Variants in CTBP2 observed in about 807,000 individuals in gnomAD.
The protein encoded by CTBP2 is C-terminal binding protein 2, also known as C-terminal-binding protein 2.
In CTBP2, 30 loss-of-function variants were observed where a neutral mutation model predicts 80.3. That is an observed-to-expected ratio of 0.37 (90% CI 0.28 to 0.51). The LOEUF is 0.51. CTBP2 is among the 20% of genes least tolerant of loss of function. The probability of loss-of-function intolerance (pLI) is 0.93; values close to 1 mark genes in which losing one functional copy is unlikely to be tolerated. For synonymous variants in CTBP2, 594 were observed against 587.4 expected (o/e 1.01, Z -0.16); for missense variants, 1,212 against 1,375.3 (o/e 0.88, Z 1.88).
chr10:125,150,900 TCA>T (rs1859723169), intron 1 of CTBP2, among the ~76,000 whole-genome samples: 1 of 148,556 alleles, frequency 6.7e-6, no homozygotes, highest in East Asian at 2.1e-4. Flanking sequence ...AGACTCTGGA[TCA>T]CAGACTCACT....
intron 1 of CTBP2, among the ~76,000 whole-genome samples, chr10:125,134,585 C>A (rs142995086): frequency 2.2e-4 from 33 of 152,288 alleles, no homozygotes; most frequent in Middle Eastern, 3.4e-3. Context: ...CAGGACCAAT[C>A]GAAGCCCACA....
chr10:125,094,118 T>G (rs573959632), intron 2 of CTBP2, among the ~76,000 whole-genome samples: 172 of 152,238 alleles, frequency 1.1e-3, no homozygotes, highest in African/African-American at 4.0e-3. Flanking sequence ...CTAAATGGTT[T>G]CAATTAAAAG....
chr10:125,017,490 G>A lies in CTBP2; in HGVS notation c.1678+8592C>T, dbSNP rs565440319. ...AGGATTGCACGGGATGCTGTGTTCCGGCCCTACCACCCTCCCTCACCTTTT... is the reference window on the plus strand; with the variant it reads ...AGGATTGCACGGGATGCTGTGTTCCAGCCCTACCACCCTCCCTCACCTTTT... On this transcript the variant is annotated intron_variant, in intron 1 of 8. Transcript: ENST00000309035. 9.2e-5 allele frequency among the ~76,000 whole-genome samples: 14 copies of A among 152,216 alleles called. No individual in the cohort carries two copies. The South Asian group carries it at 1.0e-3, about 11-fold the overall frequency.
intron 1 of CTBP2, among the ~76,000 whole-genome samples, chr10:125,158,234 C>A (rs1439101501): frequency 6.6e-6 from 1 of 151,998 alleles, no homozygotes; most frequent in Non-Finnish European, 1.5e-5. Context: ...ACTTGGAAAA[C>A]CCTCGAGGCA....
intron 1 of CTBP2, among the ~76,000 whole-genome samples, chr10:125,015,886 C>T (rs1956428146): frequency 6.6e-6 from 1 of 152,240 alleles, no homozygotes; most frequent in Non-Finnish European, 1.5e-5. Context: ...GCTGGGCTGG[C>T]AGCGTGTCCA....
At chr10:125,118,560 T>C (rs1288713476) in intron 1 of CTBP2, among the ~76,000 whole-genome samples, 1 of 152,102 alleles carries the variant, frequency 6.6e-6, no homozygotes, top group African/African-American at 2.4e-5. Flanking sequence ...CCGTGGGCCA[T>C]GGAAGCAGAG....
chr10:125,067,281 C>T (rs1035260526), intron 2 of CTBP2, among the ~76,000 whole-genome samples: 6 of 152,074 alleles, frequency 3.9e-5, no homozygotes, highest in African/African-American at 1.4e-4. Flanking sequence ...AAACTGCCAC[C>T]GCCATGTGGG....
chr10:125,037,878 T>G (rs1384857356), intron 3 of CTBP2, among the ~76,000 whole-genome samples: 1 of 152,194 alleles, frequency 6.6e-6, no homozygotes, highest in Admixed American at 6.5e-5. Context: ...CAGTGTCTAT[T>G]TATATGTATA....
intron 1 of CTBP2, among the ~76,000 whole-genome samples, chr10:125,136,874 G>A (rs1857053153): frequency 6.6e-6 from 1 of 152,204 alleles, no homozygotes; most frequent in Non-Finnish European, 1.5e-5. Context: ...GTAACAGGAT[G>A]TTTCCCTGAT....
In CTBP2 at chr10:124,993,919, G is replaced by C. The variant is rs1163608192; in HGVS notation, c.2467C>G (p.Gln823Glu). ...CGTATCCTGCCCTCCTTGAGGGCTT[G>C]TGCTAAGGCTTTCTCGTCCACCAGG... Residue 823 changes from glutamine to glutamate, a missense_variant, in exon 6 of 9, where the codon CAA (glutamine) becomes GAA (glutamate). By Grantham distance (29) the Gln-to-Glu change is conservative. Around this residue, in one of 3 missense-constraint regions of CTBP2, gnomAD observed 335 missense variants for 504.7 expected, o/e 0.66. Transcript: ENST00000309035. 1 of 1,614,182 alleles carries C rather than the reference G, an allele frequency of 6.2e-7. No homozygotes were observed. The highest frequency in any genetic ancestry group is 1.7e-5 in the Admixed American group (1 of 60,030).
upstream of CTBP2, among the ~76,000 whole-genome samples, chr10:125,161,663 C>T (rs1861904476): frequency 6.6e-6 from 1 of 151,708 alleles, no homozygotes. Flanking sequence ...CTCTGTGCTG[C>T]AAGTTGCAGC....
chr10:125,019,435 T>C (rs1196343168), intron 1 of CTBP2, among the ~76,000 whole-genome samples: 1 of 149,674 alleles, frequency 6.7e-6, no homozygotes, highest in African/African-American at 2.4e-5. Flanking sequence ...GCCAAACACC[T>C]GAAAAGCTTT....
intron 1 of CTBP2, among the ~76,000 whole-genome samples, chr10:125,024,404 C>A (rs1326686419): frequency 2.6e-5 from 4 of 152,238 alleles, no homozygotes; most frequent in Non-Finnish European, 5.9e-5. Flanking sequence ...AAATCAATAT[C>A]CTCCGGTCTG....
intron 1 of CTBP2, among the ~76,000 whole-genome samples, chr10:125,011,100 C>T (rs1188364281): frequency 1.3e-5 from 2 of 152,208 alleles, no homozygotes; most frequent in Admixed American, 1.3e-4. Flanking sequence ...TCTAGCTTCA[C>T]CAAGGCCTCT....
intron 1 of CTBP2, among the ~76,000 whole-genome samples, chr10:125,158,227 T>A (rs1156936523): frequency 6.6e-6 from 1 of 152,110 alleles, no homozygotes; most frequent in African/African-American, 2.4e-5. Flanking sequence ...CACTTCTACT[T>A]GGAAAACCCT....
intron 2 of CTBP2, among the ~76,000 whole-genome samples, chr10:125,041,375 G>A (rs1429170081): frequency 2.6e-5 from 4 of 152,058 alleles, no homozygotes; most frequent in Non-Finnish European, 5.9e-5. Context: ...GAGCCACTGC[G>A]CCTAGCCAGT....
At position 124,994,720 on chromosome 10, in the gene CTBP2, C is replaced by T. The variant is rs775206602; in HGVS notation, c.2186-37G>A. 2.5e-6 allele frequency: 4 copies of T among 1,602,838 alleles called. No homozygotes were observed. The East Asian group carries it at 8.9e-5, about 36-fold the overall frequency. ...CAGAGCGTCCAGGTGAGTGAGTCCA[C>T]AGCCCGCGCCCCAGCGCTGCCACCT... On this transcript the variant is annotated intron_variant, in intron 4 of 8. Coordinates refer to ENST00000309035, the MANE Select transcript of CTBP2 (RefSeq NM_022802.3).
chr10:125,123,516 A>G (rs1002833663), intron 1 of CTBP2, among the ~76,000 whole-genome samples: 1 of 152,222 alleles, frequency 6.6e-6, no homozygotes, highest in South Asian at 2.1e-4. Flanking sequence ...AATTTTTAAA[A>G]TAACAGATTT....
chr10:125,060,463 CGTGTGTGTGTGT>C lies in CTBP2; in HGVS notation c.-101-21320_-101-21309del, dbSNP rs56032803. 3.7e-3 allele frequency among the ~76,000 whole-genome samples: 551 copies of C among 147,960 alleles called. 4 individuals carry two copies. The highest frequency in any genetic ancestry group is 0.012 in the African/African-American group (466 of 40,194). On this transcript the variant is annotated intron_variant, in intron 2 of 10. Coordinates refer to the CTBP2 transcript ENST00000337195. ...TGGTCATGATATTCCATTCCCCCCA[CGTGTGTGTGTGT>C]GTGTGTGTGTGTGTGTGTGTGTGTG... is the stretch of plus-strand genomic sequence containing the variant.
Sources: gnomAD v4.1 joint callset for allele counts (sites outside exome capture counted in the v4.1 genomes callset) on GRCh38, gnomAD v4.1.1 for gene constraint, gnomAD v4.1.1 regional missense constraint, MANE v1.5 for transcripts, NCBI Gene and HGNC (gene_info 2026-07-23, HGNC 2026-07-21) for gene names.